Variants in SPPL3 observed in about 807,000 individuals in gnomAD.
SPPL3 encodes the protein signal peptide peptidase like 3.
A neutral mutation model predicts 42.4 loss-of-function variants in SPPL3; 5 were observed. The observed-to-expected ratio is 0.12, with a 90% CI of 0.06 to 0.25. SPPL3 has a LOEUF of 0.25. Among genes scored for constraint, SPPL3 ranks in the 10% least tolerant of loss-of-function variants. The probability of loss-of-function intolerance (pLI) is 1.00; values close to 1 mark genes in which losing one functional copy is unlikely to be tolerated. For synonymous variants in SPPL3, 195 were observed against 181.8 expected (o/e 1.07, Z -0.58); for missense variants, 235 against 489.0 (o/e 0.48, Z 4.90).
chr12:120,816,248 C>CA (rs1870871956), intron 1 of SPPL3, among the ~76,000 whole-genome samples: 2 of 151,994 alleles, frequency 1.3e-5, no homozygotes, highest in Admixed American at 1.3e-4. Flanking sequence ...TGCCTGATTT[C>CA]AAAAAAACTG....
intron 1 of SPPL3, among the ~76,000 whole-genome samples, chr12:120,859,391 C>A (rs1307549282): frequency 2.0e-5 from 3 of 152,144 alleles, no homozygotes; most frequent in Admixed American, 1.3e-4. Flanking sequence ...TGCTTACATA[C>A]CTTCCTTATA....
At chr12:120,856,974 CTCTAAACTAAAAGCTAACCA>C (rs1872481686) in intron 1 of SPPL3, among the ~76,000 whole-genome samples, 1 of 152,096 alleles carries the variant, frequency 6.6e-6, no homozygotes, top group African/African-American at 2.4e-5. Flanking sequence ...GATAGGGACC[CTCTAAACTAAAAGCTAACCA>C]TCTGAAGCTC....
chr12:120,872,521 C>A (rs576067422), intron 1 of SPPL3, among the ~76,000 whole-genome samples: 1 of 152,194 alleles, frequency 6.6e-6, no homozygotes, highest in Non-Finnish European at 1.5e-5. Flanking sequence ...GAGGAGCCAA[C>A]AGAGCTGGGG....
At chr12:120,765,108 CATG>C in intron 10 of SPPL3, 38 bp from the exon 11 acceptor site, 1 of 1,604,552 alleles carries the variant, frequency 6.2e-7, no homozygotes, top group Non-Finnish European at 8.5e-7. Context: ...CAGATTTAAA[CATG>C]AGGCACACAC....
chr12:120,781,564 T>TTTG (rs1566040033), intron 6 of SPPL3, among the ~76,000 whole-genome samples: 1 of 86,576 alleles, frequency 1.2e-5, no homozygotes, highest in African/African-American at 4.9e-5. Context: ...CGTTTTTTTT[T>TTTG]TTTTTTTTTT....
At chr12:120,811,097 A>C (rs1592974426) in intron 1 of SPPL3, 1 of 400,278 alleles carries the variant, frequency 2.5e-6, no homozygotes, top group Non-Finnish European at 4.4e-6. Flanking sequence ...AGCTATTATT[A>C]GTAAATATTT....
In SPPL3 at chr12:120,828,496, T is replaced by A. The variant is rs1871296997; in HGVS notation, c.24-17610A>T. On this transcript the variant is annotated intron_variant, in intron 1 of 10. Transcript: ENST00000353487. ...AGCAGAAATCAATGAGACTGAAAAC[T>A]ACAAAATTCCTTTCTGCAGAAATCC... Among the ~76,000 whole-genome samples, 3 of 152,072 alleles carry A rather than the reference T, an allele frequency of 2.0e-5. No individual in the cohort carries two copies. In the South Asian group the frequency reaches 6.2e-4, roughly 31 times the overall value.
At chr12:120,792,323 T>C (rs1566043230) in intron 2 of SPPL3, among the ~76,000 whole-genome samples, 2 of 136,920 alleles carry the variant, frequency 1.5e-5, no homozygotes, top group Admixed American at 1.6e-4. Flanking sequence ...AATAATGTTG[T>C]GTACAAAAGC....
chr12:120,830,232 G>C (rs867530481), intron 1 of SPPL3, among the ~76,000 whole-genome samples: 1 of 91,714 alleles, frequency 1.1e-5, no homozygotes, highest in Non-Finnish European at 2.2e-5. Flanking sequence ...AGATGACTAC[G>C]ACCAAGCAAC....
At chr12:120,836,370 G>C (rs547585502) in intron 1 of SPPL3, among the ~76,000 whole-genome samples, 1 of 152,252 alleles carries the variant, frequency 6.6e-6, no homozygotes, top group Admixed American at 6.5e-5. Flanking sequence ...TTGGAAAGAG[G>C]CCACACAGAG....
chr12:120,813,567 C>A (rs995077923), intron 1 of SPPL3, among the ~76,000 whole-genome samples: 1 of 151,894 alleles, frequency 6.6e-6, no homozygotes, highest in Non-Finnish European at 1.5e-5. Flanking sequence ...GTGATCCACC[C>A]GCCTCGGCCT....
chr12:120,867,744 T>G (rs1369409142), intron 1 of SPPL3, among the ~76,000 whole-genome samples: 1 of 33,308 alleles, frequency 3.0e-5, no homozygotes, highest in Non-Finnish European at 1.1e-4. Context: ...AATTCATGTA[T>G]TAAAAAAAAA....
At chr12:120,766,793 G>T (rs1465277488) in intron 9 of SPPL3, among the ~76,000 whole-genome samples, 1 of 152,226 alleles carries the variant, frequency 6.6e-6, no homozygotes, top group Non-Finnish European at 1.5e-5. Flanking sequence ...AATGCCACTT[G>T]CCTTGCCCCT....
intron 1 of SPPL3, among the ~76,000 whole-genome samples, chr12:120,860,178 T>C (rs537741367): frequency 6.6e-6 from 1 of 152,276 alleles, no homozygotes; most frequent in African/African-American, 2.4e-5. Context: ...ACTTCCAGCC[T>C]GGGTGACACA....
At chr12:120,774,625 T>TA (rs1478672888) in intron 6 of SPPL3, among the ~76,000 whole-genome samples, 1 of 152,044 alleles carries the variant, frequency 6.6e-6, no homozygotes, top group African/African-American at 2.4e-5. Context: ...AGAAGGCTCT[T>TA]AGAGGCATGT....
At position 120,890,166 on chromosome 12, in the gene SPPL3, T is replaced by C. The variant is rs374704590; in HGVS notation, c.23+13679A>G. On this transcript the variant is annotated intron_variant, in intron 1 of 10. Coordinates refer to ENST00000353487, the MANE Select transcript of SPPL3 (RefSeq NM_139015.5). The stretch of plus-strand genomic sequence containing the variant: ...GGGAAAGCTGAGGCAGGAGAGTTAC[T>C]TGAACCTGGGAGGCAGAGGTTGTGG... Among the ~76,000 whole-genome samples, 15 of 152,198 alleles carry C rather than the reference T, an allele frequency of 9.9e-5. No homozygotes were observed. The East Asian group carries it at 2.9e-3, about 29-fold the overall frequency.
intron 1 of SPPL3, among the ~76,000 whole-genome samples, chr12:120,850,443 G>C (rs558775811): frequency 7.0e-6 from 1 of 142,880 alleles, no homozygotes; most frequent in South Asian, 2.2e-4. Context: ...AGGACTGCTT[G>C]AGCCCAAGAG....
At chr12:120,863,025 A>C (rs1213013885) in intron 1 of SPPL3, among the ~76,000 whole-genome samples, 1 of 152,156 alleles carries the variant, frequency 6.6e-6, no homozygotes, top group African/African-American at 2.4e-5. Context: ...TATGCCAGGA[A>C]CCTGGGATAA....
chr12:120,813,318 C>T (rs1245367968), intron 1 of SPPL3, among the ~76,000 whole-genome samples: 4 of 134,272 alleles, frequency 3.0e-5, no homozygotes, highest in South Asian at 4.8e-4. Flanking sequence ...GGATCCTCAG[C>T]TTTTTTTTTT....
Sources: gnomAD v4.1 joint callset for allele counts (sites outside exome capture counted in the v4.1 genomes callset) on GRCh38, gnomAD v4.1.1 for gene constraint, MANE v1.5 for transcripts, NCBI Gene and HGNC (gene_info 2026-07-23, HGNC 2026-07-21) for gene names.